The following ZCCHC17 variants were observed in gnomAD, a reference collection of about 807,000 sequenced individuals.
ZCCHC17 encodes zinc finger CCHC-type containing 17.
A neutral mutation model predicts 30.6 loss-of-function variants in ZCCHC17; 18 were observed. The observed-to-expected ratio is 0.59, with a 90% CI of 0.41 to 0.87. The LOEUF is 0.87. ZCCHC17 is among the 40% of genes least tolerant of loss of function. The pLI is 0.00. For missense variants in ZCCHC17, 263 were observed against 284.2 expected (o/e 0.93, Z 0.54); for synonymous variants, 88 against 92.4 (o/e 0.95, Z 0.27).
At chr1:31,314,461 G>A (rs1474217726) in intron 2 of ZCCHC17, among the ~76,000 whole-genome samples, 1 of 149,660 alleles carries the variant, frequency 6.7e-6, no homozygotes, top group Non-Finnish European at 1.5e-5. Context: ...AAAAAAAGGT[G>A]TAAGCCTAAT....
At chr1:31,320,684 A>C (rs568873037) in intron 3 of ZCCHC17, among the ~76,000 whole-genome samples, 1 of 152,158 alleles carries the variant, frequency 6.6e-6, no homozygotes, top group African/African-American at 2.4e-5. Context: ...TTGCAGTTCC[A>C]TCAGTTGATG....
intron 2 of ZCCHC17, among the ~76,000 whole-genome samples, chr1:31,315,329 A>G (rs1378182877): frequency 6.6e-6 from 1 of 152,200 alleles, no homozygotes; most frequent in Non-Finnish European, 1.5e-5. Context: ...GTTTCAGCCC[A>G]TGTCCCAGCT....
At chr1:31,345,899 C>G (rs1639252818) in intron 5 of ZCCHC17, among the ~76,000 whole-genome samples, 2 of 152,062 alleles carry the variant, frequency 1.3e-5, no homozygotes, top group Admixed American at 1.3e-4. Context: ...TCCCCCAACA[C>G]TGGGAATTAC....
intron 3 of ZCCHC17, among the ~76,000 whole-genome samples, chr1:31,321,194 A>T (rs1235111161): frequency 6.6e-6 from 1 of 152,106 alleles, no homozygotes; most frequent in African/African-American, 2.4e-5. Flanking sequence ...GAGATAATTG[A>T]ATCATGGGGG....
intron 7 of ZCCHC17, among the ~76,000 whole-genome samples, chr1:31,352,178 A>G (rs1557457704): frequency 6.6e-6 from 1 of 152,166 alleles, no homozygotes; most frequent in African/African-American, 2.4e-5. Flanking sequence ...TTTATGGTAA[A>G]ATACACATAA....
chr1:31,341,837 G>A (rs1030035822), intron 5 of ZCCHC17, among the ~76,000 whole-genome samples: 12 of 152,244 alleles, frequency 7.9e-5, no homozygotes, highest in African/African-American at 2.9e-4. Flanking sequence ...CTAGTCTATG[G>A]TAGACATACA....
chr1:31,316,041 C>G (rs1220154890), intron 2 of ZCCHC17, among the ~76,000 whole-genome samples: 1 of 152,182 alleles, frequency 6.6e-6, no homozygotes, highest in Non-Finnish European at 1.5e-5. Context: ...GTGAGATTGT[C>G]TTAATTTATA....
rs1640038048 is a variant in ZCCHC17, at chr1:31,364,109, G to A, written c.642G>A (p.Lys214=). The A allele has an allele frequency of 1.2e-6, 2 of 1,613,890 alleles. No homozygotes were observed. The highest frequency in any genetic ancestry group is 1.7e-6 in the Non-Finnish European group (2 of 1,179,876). The change falls in exon 8 of 8, where the codon AAG becomes AAA. Residue 214 remains lysine, a synonymous_variant. Coordinates refer to ENST00000344147, the MANE Select transcript of ZCCHC17 (RefSeq NM_016505.4). ...DSSDSESDTG[K]RARHTSKDSK... ...CAGACTCTGAGAGTGATACAGGCAA[G>A]AGGGCAAGGCACACATCAAAAGACA... is the stretch of plus-strand genomic sequence containing the variant.
chr1:31,331,505 A>G (rs1638587019), intron 3 of ZCCHC17, among the ~76,000 whole-genome samples: 1 of 152,172 alleles, frequency 6.6e-6, no homozygotes, highest in Admixed American at 6.6e-5. Flanking sequence ...TTGTCAGCTT[A>G]AAACATGGTA....
At chr1:31,355,356 C>T (rs947967172) in intron 7 of ZCCHC17, among the ~76,000 whole-genome samples, 2 of 152,124 alleles carry the variant, frequency 1.3e-5, no homozygotes, top group African/African-American at 2.4e-5. Flanking sequence ...TTAATCCCGT[C>T]ATTACCTTTT....
intron 3 of ZCCHC17, 126 bp downstream of exon 3, chr1:31,319,292 G>T: frequency 1.3e-6 from 1 of 780,432 alleles, no homozygotes; most frequent in Non-Finnish European, 2.0e-6. Flanking sequence ...TCTTTTTAAT[G>T]TATAGATATG....
chr1:31,303,997 C>T (rs1646382886), intron 1 of ZCCHC17, among the ~76,000 whole-genome samples: 1 of 152,152 alleles, frequency 6.6e-6, no homozygotes, highest in Non-Finnish European at 1.5e-5. Context: ...CACTCTGGGC[C>T]ACCATTTCTT....
chr1:31,298,066 A>T lies in ZCCHC17; in HGVS notation c.-56+991A>T, dbSNP rs1646211214. On this transcript the variant is annotated intron_variant, in intron 1 of 7. Transcript: ENST00000344147. ...TTGATCCCTCAGGCTCAGTGGTGTG[A>T]ACAGACGGGGGTTGGGGAAGCCCTA... Among the ~76,000 whole-genome samples, 4 of 152,308 alleles carry T rather than the reference A, an allele frequency of 2.6e-5. No homozygotes were observed. In the South Asian group the frequency reaches 8.3e-4, roughly 32 times the overall value.
chr1:31,336,539 A>G (rs563086511), intron 3 of ZCCHC17, among the ~76,000 whole-genome samples: 8 of 152,194 alleles, frequency 5.3e-5, no homozygotes, highest in Non-Finnish European at 1.2e-4. Flanking sequence ...CAATATTTAA[A>G]AAATAGAGAT....
chr1:31,325,649 G>A (rs1227183542), intron 3 of ZCCHC17, among the ~76,000 whole-genome samples: 1 of 152,246 alleles, frequency 6.6e-6, no homozygotes, highest in East Asian at 1.9e-4. Context: ...GCTCGCCCTT[G>A]GCAGGTGTGG....
chr1:31,322,828 TCTCCTGCCTCAGC>T (rs886596619), intron 3 of ZCCHC17, among the ~76,000 whole-genome samples: 2 of 151,998 alleles, frequency 1.3e-5, no homozygotes, highest in African/African-American at 4.8e-5. Flanking sequence ...TTCAAGCGTT[TCTCCTGCCTCAGC>T]CTCCTGAGTA....
At chr1:31,313,763 C>T (rs2148419705) in intron 2 of ZCCHC17, among the ~76,000 whole-genome samples, 1 of 152,192 alleles carries the variant, frequency 6.6e-6, no homozygotes. Flanking sequence ...AGGTGCTGCC[C>T]AAAAGAAAGG....
At chr1:31,349,563 C>T (rs1005450525) in intron 7 of ZCCHC17, among the ~76,000 whole-genome samples, 1 of 152,104 alleles carries the variant, frequency 6.6e-6, no homozygotes, top group African/African-American at 2.4e-5. Context: ...AAACTCCTGG[C>T]CTCAAGTGAT....
intron 3 of ZCCHC17, among the ~76,000 whole-genome samples, chr1:31,326,620 T>C (rs1263436634): frequency 1.3e-5 from 2 of 152,194 alleles, no homozygotes; most frequent in African/African-American, 4.8e-5. Flanking sequence ...ATTAAAGGCC[T>C]GTGACCTTCC....
Sources: allele counts gnomAD v4.1 joint callset (sites outside exome capture counted in the v4.1 genomes callset), GRCh38; gene constraint gnomAD v4.1.1; transcripts MANE v1.5; gene names NCBI Gene and HGNC (gene_info 2026-07-23, HGNC 2026-07-21).